Variants in ABCC9 observed in about 807,000 individuals in gnomAD.
ABCC9 encodes ATP-binding cassette sub-family C member 9.
A neutral mutation model predicts 188.3 loss-of-function variants in ABCC9; 95 were observed. The observed-to-expected ratio is 0.50, with a 90% CI of 0.43 to 0.60. ABCC9 has a LOEUF of 0.60. ABCC9 is among the 20% of genes least tolerant of loss of function. The probability of loss-of-function intolerance (pLI) is 0.00; values close to 1 mark genes in which losing one functional copy is unlikely to be tolerated. For missense variants in ABCC9, 1,102 were observed against 1,876.3 expected, an observed-to-expected ratio of 0.59 and a Z score of 7.62; for synonymous variants, 659 against 652.7, an observed-to-expected ratio of 1.01 and a Z score of -0.15.
intron 18 of ABCC9, among the ~76,000 whole-genome samples, chr12:21,868,219 C>T (rs886851066): frequency 3.3e-5 from 5 of 152,166 alleles, no homozygotes; most frequent in Non-Finnish European, 7.3e-5. Context: ...CACGTTCTAC[C>T]CACACAGGTG....
intron 34 of ABCC9, 89 bp from the exon 35 acceptor site, chr12:21,814,811 T>C: frequency 2.1e-6 from 2 of 966,168 alleles, no homozygotes; most frequent in Non-Finnish European, 3.3e-6. Flanking sequence ...TAAGATATTA[T>C]GATAAAACTG....
At chr12:21,919,002 A>G (rs898338781) in intron 5 of ABCC9, among the ~76,000 whole-genome samples, 1 of 152,166 alleles carries the variant, frequency 6.6e-6, no homozygotes, top group Non-Finnish European at 1.5e-5. Flanking sequence ...ATTAAAATAC[A>G]TTAACTATAA....
At chr12:21,885,095 T>C (rs1469702389) in intron 15 of ABCC9, among the ~76,000 whole-genome samples, 1 of 152,176 alleles carries the variant, frequency 6.6e-6, no homozygotes, top group Non-Finnish European at 1.5e-5. Context: ...TCCACAGATG[T>C]AATATGAAGA....
Position 21,842,379 on chromosome 12 carries a change from C to A in ABCC9, c.3408G>T (p.Leu1136=). Residue 1136 remains leucine, a synonymous_variant, in exon 29 of 40, where the codon CTG becomes CTT. Transcript: ENST00000261200. ...GMISYATPVF[L]VALLPLGVAF... Reference sequence around the variant, plus strand: ...CAACACCAAGGGGCAGGAGAGCAACCAGGAACACAGGAGTAGCATAAGAAA... The same window carrying A: ...CAACACCAAGGGGCAGGAGAGCAACAAGGAACACAGGAGTAGCATAAGAAA... 1 of 1,614,056 alleles carries A rather than the reference C, an allele frequency of 6.2e-7. No individual in the cohort carries two copies. The highest frequency in any genetic ancestry group is 2.2e-5 in the East Asian group (1 of 44,872).
intron 15 of ABCC9, among the ~76,000 whole-genome samples, chr12:21,887,323 CT>C (rs1408856304): frequency 3.3e-5 from 5 of 151,908 alleles, no homozygotes; most frequent in Non-Finnish European, 5.9e-5. Flanking sequence ...ACTTAGTAAT[CT>C]TATGACTTTA....
At chr12:21,834,354 A>G (rs1188098113) in intron 30 of ABCC9, among the ~76,000 whole-genome samples, 1 of 152,122 alleles carries the variant, frequency 6.6e-6, no homozygotes, top group African/African-American at 2.4e-5. Context: ...CTTATATGTC[A>G]TTGAGGTCTT....
intron 37 of ABCC9, among the ~76,000 whole-genome samples, chr12:21,807,932 T>A (rs1271460692): frequency 2.6e-5 from 4 of 151,890 alleles, no homozygotes; most frequent in Non-Finnish European, 5.9e-5. Context: ...ACCAAGTGGA[T>A]AAGGACCGGG....
chr12:21,824,249 CAT>C (rs752027244), intron 31 of ABCC9, among the ~76,000 whole-genome samples: 53 of 152,028 alleles, frequency 3.5e-4, no homozygotes, highest in Admixed American at 5.9e-4. Context: ...TTAAGATAAT[CAT>C]GTGGTTTTTG....
At chr12:21,925,726 C>A (rs780994429) in intron 5 of ABCC9, among the ~76,000 whole-genome samples, 49 of 152,098 alleles carry the variant, frequency 3.2e-4, no homozygotes, top group Middle Eastern at 3.4e-3. Context: ...AAGAGATGAC[C>A]TGGGGGTAAG....
chr12:21,881,707 AAC>A (rs3062604), intron 16 of ABCC9, among the ~76,000 whole-genome samples: 51 of 148,252 alleles, frequency 3.4e-4, no homozygotes, highest in African/African-American at 1.0e-3. Flanking sequence ...CCTAGGGAAC[AAC>A]ACACACACAC....
At chr12:21,897,630 C>A (rs1477707968) in intron 12 of ABCC9, among the ~76,000 whole-genome samples, 1 of 152,184 alleles carries the variant, frequency 6.6e-6, no homozygotes, top group Non-Finnish European at 1.5e-5. Flanking sequence ...GGCCATTCTA[C>A]TACAAAGTGT....
intron 10 of ABCC9, among the ~76,000 whole-genome samples, chr12:21,908,989 A>G (rs1377727742): frequency 6.6e-6 from 1 of 151,956 alleles, no homozygotes; most frequent in Non-Finnish European, 1.5e-5. Context: ...CAGTTCAAGT[A>G]TATAATTTAT....
intron 5 of ABCC9, 32 bp downstream of exon 5, chr12:21,925,910 T>A (rs776169249): frequency 1.3e-6 from 2 of 1,597,158 alleles, no homozygotes; most frequent in Non-Finnish European, 1.7e-6. Flanking sequence ...AATATCTCTT[T>A]AAGGAGAAAC....
At chr12:21,864,958 C>T (rs1592103243) in intron 18 of ABCC9, among the ~76,000 whole-genome samples, 2 of 152,090 alleles carry the variant, frequency 1.3e-5, no homozygotes, top group African/African-American at 2.4e-5. Flanking sequence ...CACACTGGCC[C>T]CTCAGGAGCT....
chr12:21,923,696 T>C (rs1948928420), intron 5 of ABCC9: 1 of 593,624 alleles, frequency 1.7e-6, no homozygotes, highest in African/African-American at 1.9e-5. Context: ...TACAAACATT[T>C]TGGGAAAAGA....
chr12:21,852,476 G>C lies in ABCC9; in HGVS notation c.2535C>G (p.His845Gln). Reference protein sequence around the residue: ...LDDPFSALDIHLSDHLMQEGI... With the variant: ...LDDPFSALDIQLSDHLMQEGI... Reference sequence around the variant, plus strand: ...CCTCCTGCATTAAATGATCACTCAAGTGAATGTCCAGGGCTGAGAATGGAT... The same window carrying C: ...CCTCCTGCATTAAATGATCACTCAACTGAATGTCCAGGGCTGAGAATGGAT... The change falls in exon 23 of 40, where the codon CAC becomes CAG. Residue 845 changes from histidine (H) to glutamine (Q), a missense_variant. By Grantham distance (24) the His-to-Gln change is conservative (BLOSUM62 0). Around this residue, in one of 12 missense-constraint regions of ABCC9, gnomAD observed 31 missense variants for 78.8 expected, o/e 0.39. Transcript: ENST00000261200. The C allele has an allele frequency of 1.2e-6, 2 of 1,612,726 alleles. No individual in the cohort carries two copies. Among genetic ancestry groups the C allele is most frequent in the Non-Finnish European group, 1.7e-6 (2 of 1,179,954 alleles).
At chr12:21,939,323 A>G (rs926032394) in intron 2 of ABCC9, among the ~76,000 whole-genome samples, 4 of 152,190 alleles carry the variant, frequency 2.6e-5, no homozygotes, top group Non-Finnish European at 5.9e-5. Flanking sequence ...TCCAACATCC[A>G]GAGTCCATGT....
chr12:21,807,323 A>T, intron 38 of ABCC9, 23 bp downstream of exon 38: 1 of 1,613,706 alleles, frequency 6.2e-7, no homozygotes, highest in Middle Eastern at 1.7e-4. Context: ...CGTCAATTTT[A>T]AAAGCTTAGA....
chr12:21,863,127 A>C, intron 19 of ABCC9, 73 bp from the exon 20 acceptor site: 1 of 955,516 alleles, frequency 1.0e-6, no homozygotes. Context: ...ATTTTACTAT[A>C]AATAGGGGAA....
Sources: allele counts gnomAD v4.1 joint callset (sites outside exome capture counted in the v4.1 genomes callset), GRCh38; gene constraint gnomAD v4.1.1; regional missense constraint gnomAD v4.1.1; transcripts MANE v1.5; gene names NCBI Gene and HGNC (gene_info 2026-07-23, HGNC 2026-07-21).